The following RMDN1 variants were observed in gnomAD, a reference collection of about 807,000 sequenced individuals.
The protein encoded by RMDN1 is regulator of microtubule dynamics protein 1.
In RMDN1, 48 loss-of-function variants were observed where a neutral mutation model predicts 48.9. That is an observed-to-expected ratio of 0.98 (90% CI 0.78 to 1.25). The LOEUF (loss-of-function observed/expected upper bound fraction) is 1.25, where lower values mean the gene tolerates loss of function less well. Ranked by LOEUF, RMDN1 falls within the 50% of genes most tolerant of loss-of-function variation. RMDN1 has a pLI of 0.00. For synonymous variants in RMDN1, 148 were observed against 132.6 expected (o/e 1.12, Z -0.80); for missense variants, 418 against 373.4 (o/e 1.12, Z -0.98).
At chr8:86,481,629 T>A in intron 5 of RMDN1, 2 of 271,506 alleles carry the variant, frequency 7.4e-6, no homozygotes, top group East Asian at 5.7e-5. Flanking sequence ...TGAAAAACAC[T>A]GAGGAAGGAA....
At chr8:86,511,762 G>C (rs142671606), upstream of RMDN1, among the ~76,000 whole-genome samples, 2 of 149,068 alleles carry the variant, frequency 1.3e-5, no homozygotes, top group Non-Finnish European at 3.0e-5. Context: ...GTGGTGAATC[G>C]TATTCGCACC....
At position 86,488,676 on chromosome 8, in the gene RMDN1, T is replaced by C. The variant is rs201315294; in HGVS notation, c.248-37A>G. 1.3e-4 allele frequency: 187 copies of C among 1,429,404 alleles called. 1 individual carries two copies. In the East Asian group the frequency reaches 4.2e-3, roughly 32 times the overall value. The allele number at this position is 1,429,404 out of a possible 1,614,324, so 88.5% of individuals were successfully genotyped here. A position where few individuals can be genotyped will look rare whatever the true frequency, so the allele number is the denominator to read the frequency against. ...ATAAAGGAAAAAAGACACAATAAAA[T>C]AGGTCTTCCCAAGTCAGATGACAAT... On this transcript the variant is annotated intron_variant, in intron 2 of 9. Transcript: ENST00000406452.
At chr8:86,497,728 A>G (rs552371369) in intron 2 of RMDN1, among the ~76,000 whole-genome samples, 18 of 151,934 alleles carry the variant, frequency 1.2e-4, no homozygotes, top group African/African-American at 2.2e-4. Flanking sequence ...AAGAAAGAAA[A>G]AAAAAGAAAC....
Position 86,496,852 on chromosome 8 carries a change from G to T in RMDN1, c.248-8213C>A, listed in dbSNP as rs562316789. Among the ~76,000 whole-genome samples the T allele has an allele frequency of 1.2e-4, 18 of 152,108 alleles. No homozygotes were observed. In the East Asian group the frequency reaches 3.3e-3, roughly 28 times the overall value. Reference sequence around the variant, plus strand: ...CAGAATGTACATTCTTCTCACCTGAGCACGGCACACACTCTAAGATAGGCC... The same window carrying T: ...CAGAATGTACATTCTTCTCACCTGATCACGGCACACACTCTAAGATAGGCC... On this transcript the variant is annotated intron_variant, in intron 2 of 9. Coordinates refer to ENST00000406452, the MANE Select transcript of RMDN1 (RefSeq NM_016033.3).
intron 5 of RMDN1, chr8:86,482,512 C>A (rs1356305187): frequency 5.9e-6 from 4 of 680,572 alleles, no homozygotes; most frequent in African/African-American, 1.8e-5. Flanking sequence ...TTAATTCTGT[C>A]ACACATAATC....
chr8:86,483,023 C>A (rs1213163877), intron 5 of RMDN1: 12 of 584,102 alleles, frequency 2.1e-5, no homozygotes, highest in Non-Finnish European at 3.4e-5. Context: ...GCCGCCCAGG[C>A]CAGGGTTTAA....
At chr8:86,501,401 C>T (rs529739988) in intron 2 of RMDN1, among the ~76,000 whole-genome samples, 30 of 152,110 alleles carry the variant, frequency 2.0e-4, no homozygotes, top group South Asian at 1.0e-3. Flanking sequence ...AGCTGGGTGT[C>T]GTGGCTAATG....
chr8:86,484,044 G>T (rs1286061498), intron 5 of RMDN1, among the ~76,000 whole-genome samples: 1 of 152,058 alleles, frequency 6.6e-6, no homozygotes, highest in Admixed American at 6.6e-5. Context: ...CTGTTACACT[G>T]GACCACGCTT....
chr8:86,487,863 T>C (rs955861426), intron 3 of RMDN1, among the ~76,000 whole-genome samples: 2 of 152,070 alleles, frequency 1.3e-5, no homozygotes, highest in Non-Finnish European at 2.9e-5. Context: ...GAAAGTAAAA[T>C]TGATGGGTCC....
intron 2 of RMDN1, among the ~76,000 whole-genome samples, chr8:86,500,362 G>T (rs1349828256): frequency 6.6e-6 from 1 of 151,498 alleles, no homozygotes; most frequent in Admixed American, 6.6e-5. Context: ...CTAAAAAATG[G>T]GCAAAAGACA....
chr8:86,496,631 G>A (rs75250195), intron 2 of RMDN1, among the ~76,000 whole-genome samples: 2,714 of 152,116 alleles, frequency 0.018, 58 homozygotes, highest in African/African-American at 0.054. Flanking sequence ...TGGAGCACGC[G>A]GATTAATAAA....
chr8:86,513,075 A>G (rs202062344), upstream of RMDN1, among the ~76,000 whole-genome samples: 58 of 149,806 alleles, frequency 3.9e-4, no homozygotes, highest in East Asian at 9.0e-3. Context: ...TTTCTTATCA[A>G]TTTAAATGAA....
chr8:86,501,656 G>A (rs972744813), intron 2 of RMDN1, among the ~76,000 whole-genome samples: 2 of 96,106 alleles, frequency 2.1e-5, no homozygotes, highest in African/African-American at 8.4e-5. Context: ...GCATCAGAGT[G>A]AGACCCTGTC....
At chr8:86,494,819 C>CA (rs1318404430) in intron 2 of RMDN1, 11 of 303,122 alleles carry the variant, frequency 3.6e-5, no homozygotes, top group Non-Finnish European at 7.2e-5. Context: ...TCTAAAAATA[C>CA]AAAAATTACC....
intron 2 of RMDN1, among the ~76,000 whole-genome samples, chr8:86,497,965 G>A (rs963930877): frequency 6.6e-5 from 10 of 150,496 alleles, no homozygotes; most frequent in African/African-American, 1.5e-4. Flanking sequence ...GTGTGGTGGC[G>A]CATGCCTGTG....
At chr8:86,487,171 A>G (rs1815618158) in intron 3 of RMDN1, among the ~76,000 whole-genome samples, 1 of 152,234 alleles carries the variant, frequency 6.6e-6, no homozygotes, top group African/African-American at 2.4e-5. Context: ...AATAAATCCT[A>G]TGTTTGAATA....
intron 2 of RMDN1, among the ~76,000 whole-genome samples, chr8:86,492,159 TAAA>T (rs533745860): frequency 2.5e-3 from 387 of 152,198 alleles, no homozygotes; most frequent in Non-Finnish European, 4.6e-3. Context: ...AGTGAAGTGA[TAAA>T]GAACCTTTAA....
chr8:86,506,603 A>G (rs891282079), intron 2 of RMDN1, among the ~76,000 whole-genome samples: 1 of 152,062 alleles, frequency 6.6e-6, no homozygotes, highest in Non-Finnish European at 1.5e-5. Context: ...CCCCTTTTTC[A>G]TATGTTGCTC....
intron 2 of RMDN1, among the ~76,000 whole-genome samples, chr8:86,503,385 A>AAAAAAAAAAAAAAAAAC (rs1554594088): frequency 2.5e-5 from 2 of 81,090 alleles, no homozygotes; most frequent in African/African-American, 1.4e-4. Context: ...AAAAAAAAAA[A>AAAAAAAAAAAAAAAAAC]AAAACAAAAA....
Sources: gnomAD v4.1 joint callset for allele counts (sites outside exome capture counted in the v4.1 genomes callset) on GRCh38, gnomAD v4.1.1 for gene constraint, MANE v1.5 for transcripts, NCBI Gene and HGNC (gene_info 2026-07-23, HGNC 2026-07-21) for gene names.